The following SREK1 variants were observed in gnomAD, a reference collection of about 807,000 sequenced individuals.
SREK1 encodes the protein splicing regulatory glutamine/lysine-rich protein 1.
Under a neutral mutation model 66.5 loss-of-function variants are expected in SREK1, and 13 were observed. That is an observed-to-expected ratio of 0.20 (90% CI 0.13 to 0.31). The LOEUF is 0.31. SREK1 is among the 10% of genes least tolerant of loss of function. The pLI, the probability that SREK1 is intolerant of heterozygous loss-of-function variation, is 1.00. For missense variants in SREK1, 607 were observed against 769.6 expected, an observed-to-expected ratio of 0.79 and a Z score of 2.50; for synonymous variants, 265 against 263.5, an observed-to-expected ratio of 1.01 and a Z score of -0.05.
At chr5:66,165,304 C>A in intron 7 of SREK1, 1 of 161,578 alleles carries the variant, frequency 6.2e-6, no homozygotes, top group Non-Finnish European at 1.3e-5. Flanking sequence ...CCAGTCTATT[C>A]CAAGTTTGGG....
At chr5:66,165,651 T>C (rs1745108290) in intron 7 of SREK1, 1 of 152,298 alleles carries the variant, frequency 6.6e-6, no homozygotes, top group Non-Finnish European at 1.5e-5. Flanking sequence ...TTGTTGTCTA[T>C]TTTAAGGTAC....
chr5:66,159,240 A>G lies in SREK1; in HGVS notation c.317A>G (p.Lys106Arg), dbSNP rs1358142198. The change falls in exon 3 of 12, where the codon AAA (lysine) becomes AGA (arginine). Residue 106 changes from lysine (K) to arginine (R), a missense_variant. Transcript: ENST00000334121. Reference sequence around the variant, plus strand: ...GCAGGTAAAATCCCAGAGGAATCCAAAGCCCTCTCTTTATTGGCTCCTGCT... The same window carrying G: ...GCAGGTAAAATCCCAGAGGAATCCAGAGCCCTCTCTTTATTGGCTCCTGCT... ...CAEGKIPEES[K>R]ALSLLAPAPT... is the part of the protein sequence containing the mutation. 9.9e-6 allele frequency: 16 copies of G among 1,612,614 alleles called. No homozygotes were observed. The highest frequency in any genetic ancestry group is 1.3e-5 in the African/African-American group (1 of 74,818).
At position 66,159,262 on chromosome 5, in the gene SREK1, T is replaced by C. The variant is rs1301269379; in HGVS notation, c.339T>C (p.Pro113=). The stretch of plus-strand genomic sequence containing the variant: ...CCAAAGCCCTCTCTTTATTGGCTCC[T>C]GCTCCAACCATGACAAGTCTGATGC... ...EESKALSLLA[P]APTMTSLMPG... The change falls in exon 3 of 12, where the codon CCT becomes CCC. Residue 113 remains proline (P), a synonymous_variant. Transcript: ENST00000334121. The C allele has an allele frequency of 6.8e-6, 11 of 1,613,622 alleles. No individual in the cohort carries two copies. The highest frequency in any genetic ancestry group is 9.3e-6 in the Non-Finnish European group (11 of 1,179,850).
At chr5:66,170,279 G>A (rs1745522141) in intron 8 of SREK1, 109 bp downstream of exon 8, 39 of 1,351,970 alleles carry the variant, frequency 2.9e-5, no homozygotes, top group Non-Finnish European at 3.9e-5. Context: ...TGTGGTTTAG[G>A]TTTTTAATGA....
intron 10 of SREK1, among the ~76,000 whole-genome samples, chr5:66,176,941 G>A (rs142599190): frequency 0.014 from 2,060 of 152,082 alleles, 27 homozygotes; most frequent in Non-Finnish European, 0.021. Flanking sequence ...GCTTTTGTGA[G>A]AATAACGGAA....
In SREK1 at chr5:66,178,738, A is replaced by G; in HGVS notation, c.1745A>G (p.Glu582Gly). The G allele has an allele frequency of 6.2e-7, 1 of 1,611,256 alleles. No homozygotes were observed. Among genetic ancestry groups the G allele is most frequent in the Non-Finnish European group, 8.5e-7 (1 of 1,178,204 alleles). Residue 582 changes from glutamate (E) to glycine (G), a missense_variant, in exon 12 of 12, where the codon GAA becomes GGA. Around this residue, in one of 5 missense-constraint regions of SREK1, gnomAD observed 318 missense variants for 310.3 expected, o/e 1.02. Transcript: ENST00000334121. ...TTGTAGGAGAAAGAGCACAATAAAGAACCAGATTCAAGTGTGAGCAAAGAA... is the reference window on the plus strand; with the variant it reads ...TTGTAGGAGAAAGAGCACAATAAAGGACCAGATTCAAGTGTGAGCAAAGAA... ...TSLKEKEHNK[E>G]PDSSVSKEVD...
chr5:66,167,851 T>C (rs1489350310), intron 7 of SREK1: 2 of 152,230 alleles, frequency 1.3e-5, no homozygotes, highest in East Asian at 1.9e-4. Flanking sequence ...AGAAATCTTA[T>C]AGTAAGACTT....
chr5:66,174,057 G>GT (rs1394743813), intron 9 of SREK1, among the ~76,000 whole-genome samples: 8 of 151,346 alleles, frequency 5.3e-5, no homozygotes, highest in African/African-American at 2.0e-4. Context: ...TCCTGAAATG[G>GT]TAAGGATAAC....
Position 66,170,829 on chromosome 5 carries a change from G to A in SREK1, c.1366G>A (p.Glu456Lys). ...DKEKEKEQDK[E>K]KEREKDRSKE... ...AGAGAAGGAAAAGGAACAGGACAAA[G>A]AAAAGGAACGAGAAAAAGACAGATC... Residue 456 changes from glutamate (E) to lysine (K), a missense_variant, in exon 9 of 12, where the codon GAA becomes AAA. Glu to Lys is a moderately conservative substitution (Grantham distance 56). Coordinates refer to ENST00000334121, the MANE Select transcript of SREK1 (RefSeq NM_001077199.3). The A allele has an allele frequency of 1.2e-6, 2 of 1,613,278 alleles. No individual in the cohort carries two copies. Among genetic ancestry groups the A allele is most frequent in the South Asian group, 2.2e-5 (2 of 91,008 alleles).
At chr5:66,146,870 T>C (rs1743280257) in intron 1 of SREK1, among the ~76,000 whole-genome samples, 1 of 152,192 alleles carries the variant, frequency 6.6e-6, no homozygotes, top group Non-Finnish European at 1.5e-5. Flanking sequence ...CAAATACATA[T>C]TTCCAGGTAT....
At chr5:66,149,184 T>G (rs1484010651) in intron 1 of SREK1, among the ~76,000 whole-genome samples, 3 of 152,082 alleles carry the variant, frequency 2.0e-5, no homozygotes, top group Non-Finnish European at 4.4e-5. Context: ...AAATCTTGTT[T>G]CTACTAAAAA....
rs1290845889 is a variant in SREK1 at position 66,181,901 on chromosome 5, G to C, written c.*3033G>C. On this transcript the variant is annotated 3_prime_UTR_variant, in exon 12 of 12. Transcript: ENST00000334121. ...TTTATAATGAAAAGGTTTTTTTGTC[G>C]GGGGGGGGGGGGTCAAGAGAATTTA... is the stretch of plus-strand genomic sequence containing the variant. 3.2e-4 allele frequency: 7 copies of C among 21,854 alleles called. No individual in the cohort carries two copies. Among genetic ancestry groups the C allele is most frequent in the Non-Finnish European group, 5.6e-4 (6 of 10,652 alleles). The allele number at this position is 21,854 out of a possible 1,614,324, so 1.4% of individuals were successfully genotyped here.
In SREK1 at chr5:66,182,013, A is replaced by C. The variant is rs2112136101; in HGVS notation, c.*3145A>C. On this transcript the variant is annotated 3_prime_UTR_variant, in exon 12 of 12. Transcript: ENST00000334121. ...ATTTTAAAACTTAGAACCCTGATCT[A>C]ACTCCCTTCTCAAGTGAAGATACTG... The C allele has an allele frequency of 6.6e-6, 1 of 152,036 alleles. No homozygotes were observed. Among genetic ancestry groups the C allele is most frequent in the African/African-American group, 2.4e-5 (1 of 41,494 alleles). The allele number at this position is 152,036 out of a possible 1,614,324, so 9.4% of individuals were successfully genotyped here.
chr5:66,147,201 AT>A (rs1743316530), intron 1 of SREK1, among the ~76,000 whole-genome samples: 1 of 152,216 alleles, frequency 6.6e-6, no homozygotes, highest in African/African-American at 2.4e-5. Flanking sequence ...TCTTGTGAAC[AT>A]TCACTGTAAG....
chr5:66,170,910 A>C lies in SREK1; in HGVS notation c.1447A>C (p.Ser483Arg). The C allele has an allele frequency of 6.2e-7, 1 of 1,611,064 alleles. No homozygotes were observed. The highest frequency in any genetic ancestry group is 8.5e-7 in the Non-Finnish European group (1 of 1,179,320). The change falls in exon 9 of 12, where the codon AGT becomes CGT. Residue 483 changes from serine (S) to arginine (R), a missense_variant. Ser to Arg is a moderately radical substitution (Grantham distance 110). Around this residue, in one of 5 missense-constraint regions of SREK1, gnomAD observed 318 missense variants for 310.3 expected, o/e 1.02. Transcript: ENST00000334121. ...KDKKSRTPPR[S>R]YNASRRSRSS... The stretch of plus-strand genomic sequence containing the variant: ...TAAAAAATCCAGAACACCACCCAGG[A>C]GTTACAATGCATCGCGAAGATCTCG...
intron 2 of SREK1, chr5:66,157,220 T>A (rs1048855745): frequency 4.3e-5 from 42 of 984,484 alleles, no homozygotes; most frequent in Non-Finnish European, 4.7e-5. Flanking sequence ...TGAAAGGCAG[T>A]GGGAGAGTTT....
At position 66,170,760 on chromosome 5, in the gene SREK1, A is replaced by G. The variant is rs930529448; in HGVS notation, c.1297A>G (p.Arg433Gly). 6.3e-7 allele frequency: 1 copy of G among 1,599,180 alleles called. No individual in the cohort carries two copies. Among genetic ancestry groups the G allele is most frequent in the Non-Finnish European group, 8.5e-7 (1 of 1,172,210 alleles). ...CCGGGAAAAAGACAAGGAAAAGGAC[A>G]GAGAGAGAGAACGGGAAAAAGAGCA... ...KDREKDKEKD[R>G]EREREKEHEK... The change falls in exon 9 of 12, where the codon AGA becomes GGA. Residue 433 changes from arginine (R) to glycine (G), a missense_variant. Physicochemically the swap from Arg to Gly is moderately radical, Grantham distance 125. Around this residue, in one of 5 missense-constraint regions of SREK1, gnomAD observed 318 missense variants for 310.3 expected, o/e 1.02. Transcript: ENST00000334121.
intron 11 of SREK1, among the ~76,000 whole-genome samples, chr5:66,178,020 G>A (rs918979859): frequency 6.6e-6 from 1 of 152,024 alleles, no homozygotes; most frequent in Admixed American, 6.6e-5. Flanking sequence ...CATTAGGTTT[G>A]TTGGGTTAGA....
At chr5:66,171,727 T>A (rs1745657882) in intron 9 of SREK1, among the ~76,000 whole-genome samples, 2 of 151,912 alleles carry the variant, frequency 1.3e-5, no homozygotes, top group African/African-American at 4.8e-5. Flanking sequence ...ATGTTTCCCA[T>A]TTTTAAAACT....
Sources: gnomAD v4.1 joint callset for allele counts (sites outside exome capture counted in the v4.1 genomes callset) on GRCh38, gnomAD v4.1.1 for gene constraint, gnomAD v4.1.1 regional missense constraint, MANE v1.5 for transcripts, NCBI Gene and HGNC (gene_info 2026-07-23, HGNC 2026-07-21) for gene names.